CDH13: variants seen among roughly 807,000 people sequenced by gnomAD.
CDH13 encodes the protein cadherin-13.
Under a neutral mutation model 63.8 loss-of-function variants are expected in CDH13, and 24 were observed. The ratio of observed to expected loss-of-function variants is 0.38; its 90% CI spans 0.27 to 0.53. The LOEUF (loss-of-function observed/expected upper bound fraction) is 0.53, where lower values mean the gene tolerates loss of function less well. CDH13 is among the 20% of genes least tolerant of loss of function. The pLI is 0.85. For synonymous variants in CDH13, 503 were observed against 355.3 expected (o/e 1.42, Z -4.67); for missense variants, 1,049 against 903.1 (o/e 1.16, Z -2.07).
At chr16:83,741,557 C>A (rs1017521302) in intron 10 of CDH13, among the ~76,000 whole-genome samples, 2 of 151,126 alleles carry the variant, frequency 1.3e-5, no homozygotes, top group African/African-American at 4.9e-5. Context: ...AGAGATAGAT[C>A]CATCTTCCAT....
chr16:82,682,372 A>G (rs1048407766), intron 1 of CDH13, among the ~76,000 whole-genome samples: 1 of 152,152 alleles, frequency 6.6e-6, no homozygotes, highest in Non-Finnish European at 1.5e-5. Context: ...TCATTGAAAA[A>G]CACTGGACAC....
chr16:83,078,157 C>T (rs2032983506), intron 3 of CDH13, among the ~76,000 whole-genome samples: 1 of 152,150 alleles, frequency 6.6e-6, no homozygotes, highest in African/African-American at 2.4e-5. Flanking sequence ...GAGTTTTGGG[C>T]AGAATTCATA....
In CDH13 at chr16:82,758,507, A is replaced by C. The variant is rs2151079915; in HGVS notation, c.46-99855A>C. On this transcript the variant is annotated intron_variant, in intron 1 of 13. Coordinates refer to ENST00000567109, the MANE Select transcript of CDH13 (RefSeq NM_001257.5). ...CAGTCTTCTGACTCCCACTAGTTCA[A>C]GTTTCTGAGGGAGAAGCTGATTGAG... Among the ~76,000 whole-genome samples the C allele has an allele frequency of 2.0e-5, 3 of 151,376 alleles. No individual in the cohort carries two copies. The South Asian group carries it at 6.4e-4, about 32-fold the overall frequency.
At chr16:83,427,436 G>A (rs1316846173) in intron 6 of CDH13, among the ~76,000 whole-genome samples, 2 of 152,182 alleles carry the variant, frequency 1.3e-5, no homozygotes, top group East Asian at 3.9e-4. Flanking sequence ...CAAGAAGCTG[G>A]AAAAGGCAAG....
rs1402506328 is a variant in CDH13, at chr16:82,656,936, TA to T, written c.45+29800del. The stretch of plus-strand genomic sequence containing the variant: ...GGTAGCTCTTTTTTTTTTTTTTTTT[TA>T]GCATTGAATAATATTTCATTGTCTG... On this transcript the variant is annotated intron_variant, in intron 1 of 13. Transcript: ENST00000567109. Among the ~76,000 whole-genome samples, 435 of 140,722 alleles carry T rather than the reference TA, an allele frequency of 3.1e-3. 3 individuals carry two copies. Among genetic ancestry groups the T allele is most frequent in the African/African-American group, 0.011 (412 of 36,656 alleles). The allele number at this position is 140,722 out of a possible 152,430, so 92.3% of individuals were successfully genotyped here. A position where few individuals can be genotyped will look rare whatever the true frequency, so the allele number is the denominator to read the frequency against.
intron 10 of CDH13, among the ~76,000 whole-genome samples, chr16:83,729,541 G>A (rs1910806772): frequency 6.6e-6 from 1 of 152,204 alleles, no homozygotes; most frequent in African/African-American, 2.4e-5. Flanking sequence ...AGGCATCACT[G>A]TTAAGAGCAT....
chr16:82,814,402 C>T (rs1280434185), intron 1 of CDH13, among the ~76,000 whole-genome samples: 1 of 152,110 alleles, frequency 6.6e-6, no homozygotes, highest in Non-Finnish European at 1.5e-5. Context: ...ATCCACCCCA[C>T]CTCCAGGGAG....
At chr16:83,130,804 AT>A (rs901271449) in intron 4 of CDH13, among the ~76,000 whole-genome samples, 11 of 152,242 alleles carry the variant, frequency 7.2e-5, no homozygotes, top group Admixed American at 4.6e-4. Flanking sequence ...CTGGTTCTTG[AT>A]TTTTTTGGTC....
At chr16:83,579,265 G>T (rs1905319482) in intron 7 of CDH13, among the ~76,000 whole-genome samples, 1 of 152,094 alleles carries the variant, frequency 6.6e-6, no homozygotes. Context: ...CCATCCTAAG[G>T]CTGACTTCCT....
At chr16:83,019,495 C>CTTT (rs769273795) in intron 2 of CDH13, among the ~76,000 whole-genome samples, 3 of 132,316 alleles carry the variant, frequency 2.3e-5, no homozygotes, top group Non-Finnish European at 3.2e-5. Flanking sequence ...TTAACATTTT[C>CTTT]TTTTTTTTTT....
chr16:83,519,427 A>G (rs890085498), intron 7 of CDH13, among the ~76,000 whole-genome samples: 24 of 152,226 alleles, frequency 1.6e-4, no homozygotes, highest in African/African-American at 5.3e-4. Context: ...ACTTCAATGA[A>G]AAAGAAACAA....
intron 2 of CDH13, among the ~76,000 whole-genome samples, chr16:82,875,078 C>A (rs2040460999): frequency 2.0e-5 from 3 of 152,182 alleles, no homozygotes; most frequent in African/African-American, 4.8e-5. Flanking sequence ...TTTGATTATG[C>A]TTCCAAGGTT....
intron 2 of CDH13, among the ~76,000 whole-genome samples, chr16:83,004,276 A>T (rs1913246834): frequency 6.6e-6 from 1 of 152,150 alleles, no homozygotes; most frequent in Admixed American, 6.5e-5. Flanking sequence ...AATGCTGCCA[A>T]AGGCTCTGGA....
intron 1 of CDH13, among the ~76,000 whole-genome samples, chr16:82,632,334 T>C (rs1278961874): frequency 6.6e-6 from 1 of 152,234 alleles, no homozygotes; most frequent in African/African-American, 2.4e-5. Context: ...AGGGAGGGAC[T>C]GGCCTTTTCT....
chr16:82,839,585 G>A (rs1023782129), intron 1 of CDH13, among the ~76,000 whole-genome samples: 1 of 152,046 alleles, frequency 6.6e-6, no homozygotes, highest in African/African-American at 2.4e-5. Context: ...CCTTCATTCT[G>A]GCCCTCAGTA....
intron 4 of CDH13, among the ~76,000 whole-genome samples, chr16:83,203,242 A>T (rs2039084254): frequency 6.6e-6 from 1 of 152,058 alleles, no homozygotes; most frequent in South Asian, 2.1e-4. Context: ...AAACAAACAA[A>T]AACACCAAAC....
At chr16:83,364,213 A>C (rs1030847663) in intron 6 of CDH13, among the ~76,000 whole-genome samples, 7 of 151,772 alleles carry the variant, frequency 4.6e-5, no homozygotes, top group Non-Finnish European at 5.9e-5. Flanking sequence ...AGATAGACAT[A>C]ATAAGTCCAC....
At chr16:83,773,632 A>G (rs1914908701) in intron 11 of CDH13, among the ~76,000 whole-genome samples, 1 of 152,224 alleles carries the variant, frequency 6.6e-6, no homozygotes, top group South Asian at 2.1e-4. Context: ...GGGTGGAGAC[A>G]CAAAGCCAAA....
At chr16:82,731,997 T>C (rs1219830515) in intron 1 of CDH13, among the ~76,000 whole-genome samples, 1 of 152,182 alleles carries the variant, frequency 6.6e-6, no homozygotes, top group African/African-American at 2.4e-5. Flanking sequence ...AACTCCTCCT[T>C]CTTTGATCTG....
Sources: allele counts gnomAD v4.1 joint callset (sites outside exome capture counted in the v4.1 genomes callset), GRCh38; gene constraint gnomAD v4.1.1; transcripts MANE v1.5; gene names NCBI Gene and HGNC (gene_info 2026-07-23, HGNC 2026-07-21).